Variants in COL4A5 observed in about 807,000 individuals in gnomAD.
COL4A5 encodes collagen type IV alpha 5 chain.
In COL4A5, 26 loss-of-function variants were observed where a neutral mutation model predicts 130.2. The observed-to-expected ratio is 0.20, with a 90% CI of 0.15 to 0.28. The LOEUF (loss-of-function observed/expected upper bound fraction) is 0.28, where lower values mean the gene tolerates loss of function less well. Ranked by LOEUF, COL4A5 falls within the 10% of genes least tolerant of loss-of-function variation. The probability of loss-of-function intolerance (pLI) is 1.00; values close to 1 mark genes in which losing one functional copy is unlikely to be tolerated. For missense variants in COL4A5, 1,131 were observed against 1,344.3 expected (o/e 0.84, Z 2.48); for synonymous variants, 496 against 439.6 (o/e 1.13, Z -1.60).
intron 1 of COL4A5, among the ~76,000 whole-genome samples, chrX:108,492,071 C>T (rs1049379289): frequency 9.0e-6 from 1 of 111,407 alleles, no homozygotes; most frequent in African/African-American, 3.3e-5. Context: ...ATTTCGAAGG[C>T]CATGTGCCCC....
chrX:108,654,573 G>A (rs2067799614), intron 36 of COL4A5, among the ~76,000 whole-genome samples: 1 of 112,545 alleles, frequency 8.9e-6, no homozygotes, highest in African/African-American at 3.2e-5. Context: ...AGCCTCCTGA[G>A]TAGCTGGGAC....
chrX:108,461,894 C>A (rs1284645987), intron 1 of COL4A5, among the ~76,000 whole-genome samples: 7 of 111,911 alleles, frequency 6.3e-5, no homozygotes, highest in African/African-American at 2.3e-4. Flanking sequence ...CACACCCAGC[C>A]TCTATAAAGA....
At chrX:108,523,214 T>C in intron 1 of COL4A5, among the ~76,000 whole-genome samples, 1 of 111,764 alleles carries the variant, frequency 8.9e-6, no homozygotes, top group Middle Eastern at 4.6e-3. Context: ...CTAAGAGTTT[T>C]ATAGTTTTAG....
In COL4A5 at chrX:108,603,079, T is replaced by A. The variant is rs767263701; in HGVS notation, c.2244+18T>A. 9.9e-7 allele frequency: 1 copy of A among 1,007,653 alleles called. No individual in the cohort carries two copies. The highest frequency in any genetic ancestry group is 1.9e-5 in the African/African-American group (1 of 52,837). 83.0% of individuals were successfully genotyped at this position (1,007,653 alleles called of 1,213,427 possible). ...GACCAAAGGTCTGGGACATTTTTCTTTATTCCTTCTCATTTTCTTATCTTT... is the reference window on the plus strand; with the variant it reads ...GACCAAAGGTCTGGGACATTTTTCTATATTCCTTCTCATTTTCTTATCTTT... On this transcript the variant is annotated intron_variant, in intron 28 of 52. Coordinates refer to ENST00000328300, the MANE Select transcript of COL4A5 (RefSeq NM_033380.3).
chrX:108,621,104 CTTT>C (rs2067036937), intron 31 of COL4A5, among the ~76,000 whole-genome samples: 1 of 91,660 alleles, frequency 1.1e-5, no homozygotes. Context: ...TCTTTCTTTC[CTTT>C]TCTTCTTTCT....
intron 2 of COL4A5, among the ~76,000 whole-genome samples, chrX:108,542,816 G>C (rs2147667920): frequency 9.4e-6 from 1 of 106,257 alleles, no homozygotes; most frequent in Admixed American, 1.0e-4. Flanking sequence ...GGTGTGAGAT[G>C]GTATCTCATT....
At chrX:108,455,207 G>C (rs901463857) in intron 1 of COL4A5, among the ~76,000 whole-genome samples, 3 of 111,018 alleles carry the variant, frequency 2.7e-5, no homozygotes, top group Non-Finnish European at 5.7e-5. Flanking sequence ...TACATTCTTT[G>C]CTCTGACTTA....
In COL4A5 at chrX:108,603,257, CAAA is replaced by C. The variant is rs762022225; in HGVS notation, c.2244+214_2244+216del. ...TAATAGTCCAAGGTCACATTTGGAG[CAAA>C]AAAAAAAAAAAAAAAAACCTAATTT... is the stretch of plus-strand genomic sequence containing the variant. On this transcript the variant is annotated intron_variant, in intron 28 of 52. Transcript: ENST00000328300. 0.18 allele frequency among the ~76,000 whole-genome samples: 7,968 copies of C among 43,142 alleles called. 874 individuals carry two copies. The highest frequency in any genetic ancestry group is 0.42 in the African/African-American group (7,076 of 16,965). 37.5% of individuals were successfully genotyped at this position (43,142 alleles called of 115,157 possible).
At chrX:108,525,490 T>G (rs1461633556) in intron 1 of COL4A5, among the ~76,000 whole-genome samples, 4 of 111,597 alleles carry the variant, frequency 3.6e-5, no homozygotes, top group Admixed American at 1.9e-4. Flanking sequence ...AATGTTATTA[T>G]TGATATAGTT....
chrX:108,592,223 C>T (rs1311991601), intron 21 of COL4A5, among the ~76,000 whole-genome samples: 2 of 111,352 alleles, frequency 1.8e-5, no homozygotes, highest in Non-Finnish European at 3.8e-5. Context: ...CACCTGTGCC[C>T]ATATAGTCTC....
rs141965373 is a variant in COL4A5, at chrX:108,471,312, A to G, written c.81+31106A>G. On this transcript the variant is annotated intron_variant, in intron 1 of 52. Transcript: ENST00000328300. Reference sequence around the variant, plus strand: ...GTTTTTCCATTTGTTTCTATCATCTATGATTTACTTCTGCAATGTTTTGTA... The same window carrying G: ...GTTTTTCCATTTGTTTCTATCATCTGTGATTTACTTCTGCAATGTTTTGTA... 9.1e-3 allele frequency among the ~76,000 whole-genome samples: 1,024 copies of G among 111,972 alleles called. 6 individuals are homozygous for G. The highest frequency in any genetic ancestry group is 0.014 in the Non-Finnish European group (754 of 53,107).
intron 28 of COL4A5, among the ~76,000 whole-genome samples, chrX:108,606,107 G>A (rs956062581): frequency 2.7e-5 from 3 of 111,343 alleles, no homozygotes; most frequent in Non-Finnish European, 3.8e-5. Flanking sequence ...CAGTTAACCC[G>A]TGACACCAGT....
chrX:108,578,417 T>C, intron 13 of COL4A5, 34 bp downstream of exon 13: 1 of 986,189 alleles, frequency 1.0e-6, no homozygotes, highest in Non-Finnish European at 1.4e-6. Flanking sequence ...ATGAAAATCT[T>C]GCTATGGATA....
At chrX:108,579,543 G>A (rs1338581331) in intron 13 of COL4A5, among the ~76,000 whole-genome samples, 1 of 111,981 alleles carries the variant, frequency 8.9e-6, no homozygotes, top group Non-Finnish European at 1.9e-5. Flanking sequence ...TGATATGCAA[G>A]GAGAAAGATA....
chrX:108,579,084 G>A (rs1274298657), intron 13 of COL4A5, among the ~76,000 whole-genome samples: 1 of 111,136 alleles, frequency 9.0e-6, no homozygotes, highest in Non-Finnish European at 1.9e-5. Flanking sequence ...CATTCACAGG[G>A]TAGTGAAACT....
At chrX:108,581,764 C>T (rs1260922598) in intron 16 of COL4A5, among the ~76,000 whole-genome samples, 2 of 110,216 alleles carry the variant, frequency 1.8e-5, no homozygotes, top group Admixed American at 1.9e-4. Flanking sequence ...TTTGTTTGTC[C>T]ATTTACACAT....
At chrX:108,526,372 T>C (rs1352291124) in intron 1 of COL4A5, among the ~76,000 whole-genome samples, 1 of 111,957 alleles carries the variant, frequency 8.9e-6, no homozygotes, top group Non-Finnish European at 1.9e-5. Flanking sequence ...TCCCCACTTA[T>C]CATTGTTTTG....
intron 4 of COL4A5, among the ~76,000 whole-genome samples, chrX:108,568,240 T>C (rs895110574): frequency 1.8e-5 from 2 of 111,532 alleles, no homozygotes; most frequent in African/African-American, 6.5e-5. Flanking sequence ...AATTTAAGAA[T>C]TTTGGGGGTG....
At chrX:108,499,737 T>C (rs2147563063) in intron 1 of COL4A5, among the ~76,000 whole-genome samples, 1 of 111,848 alleles carries the variant, frequency 8.9e-6, no homozygotes, top group Non-Finnish European at 1.9e-5. Context: ...AAATATACTG[T>C]AATATATGTA....
Sources: allele counts gnomAD v4.1 joint callset (sites outside exome capture counted in the v4.1 genomes callset), GRCh38; gene constraint gnomAD v4.1.1; transcripts MANE v1.5; gene names NCBI Gene and HGNC (gene_info 2026-07-23, HGNC 2026-07-21).